The following TDRD9 variants were observed in gnomAD, a reference collection of about 807,000 sequenced individuals.
The protein encoded by TDRD9 is tudor domain containing 9.
A neutral mutation model predicts 172.6 loss-of-function variants in TDRD9; 124 were observed. That is an observed-to-expected ratio of 0.72 (90% CI 0.62 to 0.83). The LOEUF is 0.83. Ranked by LOEUF, TDRD9 falls within the 40% of genes least tolerant of loss-of-function variation. TDRD9 has a pLI of 0.00. For synonymous variants in TDRD9, 619 were observed against 617.1 expected (o/e 1.00, Z -0.05); for missense variants, 1,479 against 1,714.1 (o/e 0.86, Z 2.42).
intron 35 of TDRD9, among the ~76,000 whole-genome samples, chr14:104,050,848 T>C (rs1315887018): frequency 1.3e-5 from 2 of 152,254 alleles, no homozygotes; most frequent in Non-Finnish European, 2.9e-5. Flanking sequence ...GAGGTTAGTA[T>C]GTTTTAGAAA....
chr14:103,963,221 G>A (rs2032591996), intron 3 of TDRD9, 45 bp downstream of exon 3: 2 of 1,334,242 alleles, frequency 1.5e-6, no homozygotes, highest in African/African-American at 1.5e-5. Flanking sequence ...TTGAATACAT[G>A]TCTGAGGCCC....
intron 25 of TDRD9, 109 bp downstream of exon 25, chr14:104,024,789 C>T (rs1471641072): frequency 4.8e-6 from 2 of 416,650 alleles, no homozygotes; most frequent in Admixed American, 8.5e-5. Context: ...CACACACACA[C>T]AGAACTTGTG....
At chr14:103,959,480 GTATGTA>G (rs1595916681) in intron 2 of TDRD9, among the ~76,000 whole-genome samples, 1 of 135,580 alleles carries the variant, frequency 7.4e-6, no homozygotes, top group Non-Finnish European at 1.6e-5. Flanking sequence ...GTGTGTGTGT[GTATGTA>G]TACATACACA....
chr14:103,983,917 G>A (rs2033574971), intron 7 of TDRD9, among the ~76,000 whole-genome samples: 1 of 152,164 alleles, frequency 6.6e-6, no homozygotes, highest in Non-Finnish European at 1.5e-5. Context: ...AGGCTGAGGT[G>A]GTTTCAGATG....
chr14:103,940,715 CA>C, intron 1 of TDRD9: 6 of 867,648 alleles, frequency 6.9e-6, no homozygotes, highest in Non-Finnish European at 1.0e-5. Flanking sequence ...GACCTTGTAA[CA>C]AAGAAAAACT....
chr14:103,956,307 G>A (rs1303292724), intron 2 of TDRD9, among the ~76,000 whole-genome samples: 3 of 151,004 alleles, frequency 2.0e-5, no homozygotes, highest in Non-Finnish European at 2.9e-5. Context: ...GTGTGGTGGC[G>A]TGTGCCTGTA....
chr14:103,945,163 G>C (rs1416402641), intron 1 of TDRD9, among the ~76,000 whole-genome samples: 10 of 152,164 alleles, frequency 6.6e-5, no homozygotes, highest in Non-Finnish European at 1.5e-5. Flanking sequence ...AGACCTTTTT[G>C]GGTAGGAGGT....
chr14:104,017,346 C>A (rs1181056942), intron 22 of TDRD9, among the ~76,000 whole-genome samples: 4 of 151,784 alleles, frequency 2.6e-5, no homozygotes, highest in African/African-American at 9.7e-5. Context: ...ACTTTTCATT[C>A]TTCTCTGAGC....
intron 20 of TDRD9, among the ~76,000 whole-genome samples, chr14:104,009,625 CT>C (rs779920767): frequency 9.9e-5 from 15 of 152,240 alleles, no homozygotes; most frequent in Middle Eastern, 3.4e-3. Flanking sequence ...CTTAATATAA[CT>C]TTTTTTAACT....
intron 3 of TDRD9, 149 bp from the exon 4 acceptor site, chr14:103,965,184 G>T: frequency 1.3e-6 from 1 of 765,412 alleles, no homozygotes; most frequent in South Asian, 1.8e-5. Flanking sequence ...TGCACTCCAG[G>T]CTGGGCAACA....
intron 28 of TDRD9, among the ~76,000 whole-genome samples, chr14:104,028,867 G>A (rs2035200168): frequency 6.6e-6 from 1 of 152,160 alleles, no homozygotes; most frequent in African/African-American, 2.4e-5. Flanking sequence ...TATGTCAAGA[G>A]ATAGGGGTTT....
intron 7 of TDRD9, among the ~76,000 whole-genome samples, chr14:103,977,254 G>T (rs2033281141): frequency 6.6e-6 from 1 of 152,042 alleles, no homozygotes; most frequent in African/African-American, 2.4e-5. Flanking sequence ...CACTTTGGGA[G>T]GCCGAGGCCG....
At chr14:104,030,560 G>A (rs1277240403) in intron 28 of TDRD9, among the ~76,000 whole-genome samples, 1 of 152,244 alleles carries the variant, frequency 6.6e-6, no homozygotes, top group African/African-American at 2.4e-5. Flanking sequence ...ATTCTCTAAT[G>A]GGTAAAATGT....
chr14:103,930,020 T>C (rs1319340835), intron 1 of TDRD9, among the ~76,000 whole-genome samples: 1 of 152,216 alleles, frequency 6.6e-6, no homozygotes, highest in African/African-American at 2.4e-5. Context: ...CCTCTGTTTT[T>C]AGAGGAAAGA....
rs1049927364 is a variant in TDRD9, at chr14:103,977,367, C to T, written c.1011+1814C>T. Among the ~76,000 whole-genome samples the T allele has an allele frequency of 3.9e-4, 59 of 151,782 alleles. 1 individual carries two copies. The highest frequency in any genetic ancestry group is 1.4e-3 in the African/African-American group (57 of 41,378). On this transcript the variant is annotated intron_variant, in intron 7 of 35. Transcript: ENST00000409874. ...AATTAGCCGGGCGTGGCGGCAGGTG[C>T]CTGTAGTCCCAGCTACTCGGGAAGC...
chr14:103,954,471 C>T (rs1383968246), intron 1 of TDRD9, among the ~76,000 whole-genome samples: 1 of 152,122 alleles, frequency 6.6e-6, no homozygotes, highest in East Asian at 1.9e-4. Flanking sequence ...GCCTTTTGTG[C>T]AGTAGGTGTT....
At chr14:104,036,434 A>C (rs943981505) in intron 32 of TDRD9, among the ~76,000 whole-genome samples, 5 of 152,188 alleles carry the variant, frequency 3.3e-5, no homozygotes, top group Non-Finnish European at 7.4e-5. Flanking sequence ...ATGTGCAGGA[A>C]CCACACGTGG....
chr14:103,952,190 GTATATATATATATATATA>G (rs1566734586), intron 1 of TDRD9, among the ~76,000 whole-genome samples: 5 of 55,532 alleles, frequency 9.0e-5, no homozygotes, highest in Admixed American at 3.5e-4. Context: ...GCGTGTGTGT[GTATATATATATATATATA>G]TATATATATA....
Position 103,985,375 on chromosome 14 carries a change from C to T in TDRD9, c.1012-842C>T, listed in dbSNP as rs182610904. Reference sequence around the variant, plus strand: ...GATAGTGAGTAAGTCTCATGAAATCCGATGGTTCTGTAAGGGAGAGTTTCC... The same window carrying T: ...GATAGTGAGTAAGTCTCATGAAATCTGATGGTTCTGTAAGGGAGAGTTTCC... On this transcript the variant is annotated intron_variant, in intron 7 of 35. Transcript: ENST00000409874. Among the ~76,000 whole-genome samples the T allele has an allele frequency of 3.5e-3, 540 of 152,148 alleles. 3 individuals carry two copies. Among genetic ancestry groups the T allele is most frequent in the Non-Finnish European group, 5.7e-3 (389 of 68,008 alleles).
Sources: gnomAD v4.1 joint callset for allele counts (sites outside exome capture counted in the v4.1 genomes callset) on GRCh38, gnomAD v4.1.1 for gene constraint, MANE v1.5 for transcripts, NCBI Gene and HGNC (gene_info 2026-07-23, HGNC 2026-07-21) for gene names.